COX7B2: variants seen among roughly 807,000 people sequenced by gnomAD.
COX7B2 encodes cytochrome c oxidase subunit 7B2.
For missense variants in COX7B2, 109 were observed against 95.9 expected (o/e 1.14, Z -0.57); for synonymous variants, 37 against 32.1 (o/e 1.15, Z -0.51).
intron 2 of COX7B2, among the ~76,000 whole-genome samples, chr4:46,753,161 G>A (rs1404318050): frequency 3.3e-5 from 5 of 152,070 alleles, no homozygotes; most frequent in East Asian, 1.9e-4. Context: ...TGTATGTGTC[G>A]AGGAATTTAT....
chr4:46,883,254 G>A (rs1172487468), intron 1 of COX7B2, among the ~76,000 whole-genome samples: 1 of 152,086 alleles, frequency 6.6e-6, no homozygotes, highest in Non-Finnish European at 1.5e-5. Flanking sequence ...CAATTGCTTT[G>A]ACAATCCCAA....
intron 2 of COX7B2, among the ~76,000 whole-genome samples, chr4:46,809,294 A>G (rs941561814): frequency 6.6e-6 from 1 of 151,496 alleles, no homozygotes; most frequent in Non-Finnish European, 1.5e-5. Flanking sequence ...ATTTATTTCT[A>G]TTCTGATGTT....
Position 46,811,511 on chromosome 4 carries a change from T to C in COX7B2, c.-50+33449A>G, listed in dbSNP as rs547007485. The stretch of plus-strand genomic sequence containing the variant: ...TCTGGTTCTTTAATACAGCTCCTAT[T>C]TGAATTTCTCATTTGGATCATTGTT... On this transcript the variant is annotated intron_variant, in intron 2 of 2. Coordinates refer to ENST00000355591, the MANE Select transcript of COX7B2 (RefSeq NM_130902.3). 1.5e-4 allele frequency among the ~76,000 whole-genome samples: 23 copies of C among 152,298 alleles called. No individual in the cohort carries two copies. The South Asian group carries it at 4.8e-3, about 32-fold the overall frequency.
chr4:46,801,339 C>T (rs896432184), intron 2 of COX7B2, among the ~76,000 whole-genome samples: 1 of 152,064 alleles, frequency 6.6e-6, no homozygotes, highest in Non-Finnish European at 1.5e-5. Flanking sequence ...GACATAGATG[C>T]CCATCAACGG....
intron 2 of COX7B2, among the ~76,000 whole-genome samples, chr4:46,749,667 T>C (rs150361690): frequency 1.8e-3 from 274 of 152,338 alleles, no homozygotes; most frequent in African/African-American, 6.4e-3. Context: ...CACATAATTA[T>C]AGAAGTATAA....
intron 2 of COX7B2, among the ~76,000 whole-genome samples, chr4:46,806,499 A>T (rs1441700050): frequency 6.6e-6 from 1 of 152,148 alleles, no homozygotes; most frequent in Non-Finnish European, 1.5e-5. Context: ...AAGCAAATTA[A>T]CATATCCACC....
chr4:46,872,653 G>T (rs1338540332), intron 1 of COX7B2, among the ~76,000 whole-genome samples: 1 of 151,996 alleles, frequency 6.6e-6, no homozygotes, highest in African/African-American at 2.4e-5. Context: ...CAGTTCTATT[G>T]CATAGCATTA....
At chr4:46,895,237 T>G (rs1360485115) in intron 1 of COX7B2, among the ~76,000 whole-genome samples, 2 of 152,116 alleles carry the variant, frequency 1.3e-5, no homozygotes, top group African/African-American at 4.8e-5. Flanking sequence ...AGAACTAACC[T>G]GAACGCCCAT....
At chr4:46,771,502 A>T (rs1032324314) in intron 2 of COX7B2, among the ~76,000 whole-genome samples, 1 of 152,100 alleles carries the variant, frequency 6.6e-6, no homozygotes, top group African/African-American at 2.4e-5. Flanking sequence ...CAGGTTGACT[A>T]TATCAGATTT....
At chr4:46,777,439 T>C (rs1717217231) in intron 2 of COX7B2, among the ~76,000 whole-genome samples, 1 of 151,910 alleles carries the variant, frequency 6.6e-6, no homozygotes. Context: ...GAGTGTTAAA[T>C]AATGGAAAAA....
intron 1 of COX7B2, among the ~76,000 whole-genome samples, chr4:46,884,180 G>A (rs1048230963): frequency 6.7e-6 from 1 of 150,136 alleles, no homozygotes; most frequent in Non-Finnish European, 1.5e-5. Flanking sequence ...GGGCCAGTTG[G>A]GGGGTGGTGG....
chr4:46,831,442 C>T (rs1030729256), intron 2 of COX7B2, among the ~76,000 whole-genome samples: 8 of 152,172 alleles, frequency 5.3e-5, no homozygotes, highest in Admixed American at 5.2e-4. Flanking sequence ...GGGCGCATGG[C>T]ACGGGACTGG....
At chr4:46,745,504 A>T (rs1237619262) in intron 2 of COX7B2, among the ~76,000 whole-genome samples, 1 of 152,202 alleles carries the variant, frequency 6.6e-6, no homozygotes, top group Non-Finnish European at 1.5e-5. Context: ...TTTTAACAAG[A>T]TATTGGTAAA....
At chr4:46,833,224 T>C (rs1175089596) in intron 2 of COX7B2, among the ~76,000 whole-genome samples, 1 of 152,160 alleles carries the variant, frequency 6.6e-6, no homozygotes, top group East Asian at 1.9e-4. Flanking sequence ...AAACCTCTTT[T>C]CATTATAAAT....
intron 2 of COX7B2, among the ~76,000 whole-genome samples, chr4:46,810,917 T>C (rs193105209): frequency 1.1e-3 from 160 of 152,316 alleles, no homozygotes; most frequent in African/African-American, 3.8e-3. Context: ...CTAGGTATAC[T>C]ACTCTTGGCT....
At chr4:46,762,340 T>C (rs1273733473) in intron 2 of COX7B2, among the ~76,000 whole-genome samples, 1 of 137,706 alleles carries the variant, frequency 7.3e-6, no homozygotes, top group African/African-American at 2.7e-5. Flanking sequence ...TATATTAATA[T>C]ATATTTATAT....
chr4:46,841,082 C>T lies in COX7B2; in HGVS notation c.-50+3878G>A, dbSNP rs186437060. ...AGGACAATGGCAGGCAGTGAGAAAA[C>T]TAGAAGAGAGGTAAGCAAGAACCAG... On this transcript the variant is annotated intron_variant, in intron 2 of 2. Coordinates refer to ENST00000355591, the MANE Select transcript of COX7B2 (RefSeq NM_130902.3). 1.0e-3 allele frequency among the ~76,000 whole-genome samples: 152 copies of T among 151,918 alleles called. 1 individual carries two copies. Among genetic ancestry groups the T allele is most frequent in the African/African-American group, 3.4e-3 (143 of 41,476 alleles).
At chr4:46,741,397 A>G (rs1424546751) in intron 2 of COX7B2, among the ~76,000 whole-genome samples, 1 of 152,056 alleles carries the variant, frequency 6.6e-6, no homozygotes, top group Non-Finnish European at 1.5e-5. Context: ...CAGCAGTAGT[A>G]TCCCCCAGTT....
intron 1 of COX7B2, among the ~76,000 whole-genome samples, chr4:46,861,602 G>T (rs892957011): frequency 6.6e-6 from 1 of 152,184 alleles, no homozygotes; most frequent in Non-Finnish European, 1.5e-5. Flanking sequence ...ATTTGGCCTA[G>T]AAATGGTTCT....
Sources: gnomAD v4.1 joint callset for allele counts (sites outside exome capture counted in the v4.1 genomes callset) on GRCh38, gnomAD v4.1.1 for gene constraint, MANE v1.5 for transcripts, NCBI Gene and HGNC (gene_info 2026-07-23, HGNC 2026-07-21) for gene names.